TG: variants seen among roughly 807,000 people sequenced by gnomAD.
TG encodes the protein thyroglobulin, also known as thyroid hormones.
TG carries 270 observed loss-of-function variants against 324.7 expected under a neutral mutation model. The ratio of observed to expected loss-of-function variants is 0.83; its 90% CI spans 0.75 to 0.92. TG has a LOEUF of 0.92. Ranked by LOEUF, TG falls within the 40% of genes least tolerant of loss-of-function variation. The pLI is 0.00. For missense variants in TG, 3,591 were observed against 3,456.4 expected (o/e 1.04, Z -0.98); for synonymous variants, 1,401 against 1,327.0 (o/e 1.06, Z -1.21).
intron 35 of TG, among the ~76,000 whole-genome samples, chr8:133,003,698 G>A (rs1242286846): frequency 2.0e-5 from 3 of 152,230 alleles, no homozygotes; most frequent in Non-Finnish European, 4.4e-5. Context: ...AGAGACTGCA[G>A]CTGTGCTGCC....
At chr8:133,048,514 CTCAGCCCTGCTCTTCCTATT>C (rs573475961) in intron 41 of TG, 280 of 155,236 alleles carry the variant, frequency 1.8e-3, no homozygotes, top group Non-Finnish European at 3.3e-3. Flanking sequence ...AGCTACCGTG[CTCAGCCCTGCTCTTCCTATT>C]TGATATGTTA....
At chr8:133,053,952 T>C (rs1308107852) in intron 41 of TG, among the ~76,000 whole-genome samples, 1 of 152,186 alleles carries the variant, frequency 6.6e-6, no homozygotes, top group Non-Finnish European at 1.5e-5. Flanking sequence ...ATTTCACCTC[T>C]CTTTATCATC....
intron 35 of TG, chr8:132,994,877 G>A: frequency 8.1e-7 from 1 of 1,238,718 alleles, no homozygotes; most frequent in Non-Finnish European, 1.0e-6. Context: ...CTGTGATGGA[G>A]TAAGATTGAG....
chr8:132,871,052 A>G (rs2132043617), intron 3 of TG, among the ~76,000 whole-genome samples: 1 of 152,152 alleles, frequency 6.6e-6, no homozygotes, highest in East Asian at 1.9e-4. Context: ...AGAAAACTGG[A>G]CTCAGAAAAG....
At chr8:133,016,314 G>C (rs1329425128) in intron 37 of TG, among the ~76,000 whole-genome samples, 1 of 152,108 alleles carries the variant, frequency 6.6e-6, no homozygotes, top group African/African-American at 2.4e-5. Flanking sequence ...TGGGAGCAGT[G>C]GTTGTCCTGC....
At chr8:133,046,018 C>T (rs530167625) in intron 41 of TG, among the ~76,000 whole-genome samples, 1 of 152,262 alleles carries the variant, frequency 6.6e-6, no homozygotes, top group South Asian at 2.1e-4. Flanking sequence ...GTAAGAACCA[C>T]GTGAAAGGCG....
At chr8:132,979,441 A>C (rs1279550640) in intron 34 of TG, among the ~76,000 whole-genome samples, 1 of 152,202 alleles carries the variant, frequency 6.6e-6, no homozygotes, top group African/African-American at 2.4e-5. Context: ...GGAAATGACA[A>C]GCTCTTCTAA....
At chr8:132,897,584 T>A (rs1817295680) in intron 11 of TG, 65 bp from the exon 12 acceptor site, 1 of 1,607,870 alleles carries the variant, frequency 6.2e-7, no homozygotes, top group South Asian at 1.1e-5. Flanking sequence ...ACGTGGTTGT[T>A]CTCAGCTACA....
At chr8:132,918,368 G>C (rs1172393263) in intron 20 of TG, among the ~76,000 whole-genome samples, 1 of 152,130 alleles carries the variant, frequency 6.6e-6, no homozygotes, top group Non-Finnish European at 1.5e-5. Flanking sequence ...CAGTTCTGGG[G>C]TTGAAATGCT....
At chr8:133,112,157 C>G (rs141293678) in intron 43 of TG, among the ~76,000 whole-genome samples, 1 of 152,228 alleles carries the variant, frequency 6.6e-6, no homozygotes, top group East Asian at 1.9e-4. Flanking sequence ...GCTGTTCCCA[C>G]CCAGGAGGGA....
intron 35 of TG, among the ~76,000 whole-genome samples, chr8:133,000,912 C>T (rs1564060507): frequency 6.6e-6 from 1 of 152,134 alleles, no homozygotes; most frequent in Non-Finnish European, 1.5e-5. Flanking sequence ...TCCCACAGCT[C>T]TGGAGGCTGC....
intron 45 of TG, among the ~76,000 whole-genome samples, chr8:133,131,532 G>C (rs536939367): frequency 1.3e-5 from 2 of 152,286 alleles, no homozygotes; most frequent in East Asian, 3.9e-4. Context: ...TCATTGTGTT[G>C]GGAGGTTTCT....
intron 10 of TG, among the ~76,000 whole-genome samples, chr8:132,893,146 T>C (rs1816508864): frequency 7.6e-6 from 1 of 131,156 alleles, no homozygotes; most frequent in Non-Finnish European, 1.6e-5. Flanking sequence ...GGTGTGTATT[T>C]GTGTGTATGT....
At chr8:132,900,444 C>T in intron 15 of TG, 105 bp downstream of exon 15, 1 of 1,065,288 alleles carries the variant, frequency 9.4e-7, no homozygotes, top group Non-Finnish European at 1.4e-6. Context: ...GCTTCCATAG[C>T]TGTGGGGGCA....
chr8:133,010,061 G>A (rs1188632940), intron 35 of TG, among the ~76,000 whole-genome samples: 1 of 152,138 alleles, frequency 6.6e-6, no homozygotes, highest in East Asian at 1.9e-4. Flanking sequence ...TGTTATCAAA[G>A]GCAAAGACCC....
At chr8:132,897,539 A>G (rs1817289105) in intron 11 of TG, 110 bp from the exon 12 acceptor site, 1 of 1,442,786 alleles carries the variant, frequency 6.9e-7, no homozygotes, top group Admixed American at 1.7e-5. Flanking sequence ...CAAATAAATA[A>G]ATAAGAAGGC....
At chr8:132,963,948 G>T (rs1828147646) in intron 29 of TG, among the ~76,000 whole-genome samples, 1 of 152,028 alleles carries the variant, frequency 6.6e-6, no homozygotes, top group Non-Finnish European at 1.5e-5. Flanking sequence ...CTGGATTCAT[G>T]TGTAAAAGAA....
intron 11 of TG, among the ~76,000 whole-genome samples, chr8:132,896,009 C>G (rs368830736): frequency 1.4e-4 from 22 of 152,344 alleles, no homozygotes; most frequent in African/African-American, 4.8e-4. Flanking sequence ...GGATTGAGGG[C>G]CCAGAGCGAA....
chr8:132,893,134 G>A (rs1816503817), intron 10 of TG, among the ~76,000 whole-genome samples: 1 of 145,872 alleles, frequency 6.9e-6, no homozygotes, highest in Non-Finnish European at 1.5e-5. Flanking sequence ...GGGTGTGTGT[G>A]TGGTGTGTAT....
Sources: allele counts gnomAD v4.1 joint callset (sites outside exome capture counted in the v4.1 genomes callset), GRCh38; gene constraint gnomAD v4.1.1; transcripts MANE v1.5; gene names NCBI Gene and HGNC (gene_info 2026-07-23, HGNC 2026-07-21).